The following ZNF383 variants were observed in gnomAD, a reference collection of about 807,000 sequenced individuals.
ZNF383 encodes the protein zinc finger protein 383.
In ZNF383, 32 loss-of-function variants were observed where a neutral mutation model predicts 44.2. The ratio of observed to expected loss-of-function variants is 0.72; its 90% CI spans 0.55 to 0.97. ZNF383 has a LOEUF of 0.97. Among genes scored for constraint, ZNF383 ranks in the 50% least tolerant of loss-of-function variants. The pLI is 0.00. For missense variants in ZNF383, 487 were observed against 562.5 expected, an observed-to-expected ratio of 0.87 and a Z score of 1.36; for synonymous variants, 155 against 186.2, an observed-to-expected ratio of 0.83 and a Z score of 1.36.
At chr19:37,220,300 C>T (rs1191764032) in intron 1 of ZNF383, among the ~76,000 whole-genome samples, 3 of 152,190 alleles carry the variant, frequency 2.0e-5, no homozygotes, top group East Asian at 3.9e-4. Context: ...GCGTTCTCAG[C>T]GCACCCAGGC....
At chr19:37,224,416 G>A (rs1355014628) in intron 1 of ZNF383, among the ~76,000 whole-genome samples, 1 of 152,128 alleles carries the variant, frequency 6.6e-6, no homozygotes, top group Non-Finnish European at 1.5e-5. Flanking sequence ...TAAAGGCTGA[G>A]GGCTCAATTA....
intron 2 of ZNF383, among the ~76,000 whole-genome samples, chr19:37,227,389 C>T (rs1015757272): frequency 2.6e-5 from 4 of 152,212 alleles, no homozygotes; most frequent in African/African-American, 9.7e-5. Flanking sequence ...GCTGGGATTA[C>T]AGGCATGAGC....
intron 1 of ZNF383, among the ~76,000 whole-genome samples, chr19:37,220,794 A>T (rs776286852): frequency 1.1e-4 from 17 of 152,054 alleles, no homozygotes; most frequent in Non-Finnish European, 1.6e-4. Flanking sequence ...TTGACTTTTT[A>T]AAAAAAGTTT....
intron 5 of ZNF383, among the ~76,000 whole-genome samples, chr19:37,238,324 C>A (rs1020255215): frequency 7.0e-6 from 1 of 143,120 alleles, no homozygotes; most frequent in Non-Finnish European, 1.5e-5. Flanking sequence ...AATTATATAT[C>A]ACTTACATTT....
At chr19:37,239,970 C>T (rs1974001399) in intron 5 of ZNF383, among the ~76,000 whole-genome samples, 5 of 151,998 alleles carry the variant, frequency 3.3e-5, no homozygotes, top group Admixed American at 3.3e-4. Flanking sequence ...CCATCCTGGC[C>T]AACATGGTGA....
In ZNF383 at chr19:37,230,141, G is replaced by A. The variant is rs147265669; in HGVS notation, c.-45-268G>A. On this transcript the variant is annotated intron_variant, in intron 2 of 5. Transcript: ENST00000684119. ...GGTTCAGAGCAACATCACTGAGGTG[G>A]GACAAGGTCTGGCCCGAATCCGTTG... 6.1e-4 allele frequency among the ~76,000 whole-genome samples: 93 copies of A among 152,134 alleles called. No homozygotes were observed. In the East Asian group the frequency reaches 0.014, roughly 22 times the overall value.
chr19:37,219,133 G>C (rs938448754), intron 1 of ZNF383: 1 of 153,088 alleles, frequency 6.5e-6, no homozygotes, highest in Non-Finnish European at 1.5e-5. Flanking sequence ...CATTGGGTAG[G>C]GGGTGCTTGT....
chr19:37,238,322 A>G (rs1361419147), intron 5 of ZNF383, among the ~76,000 whole-genome samples: 1 of 143,310 alleles, frequency 7.0e-6, no homozygotes, highest in South Asian at 2.4e-4. Flanking sequence ...AGAATTATAT[A>G]TCACTTACAT....
At chr19:37,234,369 G>A (rs1568526909) in intron 3 of ZNF383, among the ~76,000 whole-genome samples, 1 of 151,948 alleles carries the variant, frequency 6.6e-6, no homozygotes, top group African/African-American at 2.4e-5. Flanking sequence ...TTATTTGATG[G>A]CTTAAGACAA....
intron 3 of ZNF383, among the ~76,000 whole-genome samples, chr19:37,231,074 A>G (rs557228428): frequency 6.6e-6 from 1 of 152,216 alleles, no homozygotes; most frequent in Non-Finnish European, 1.5e-5. Context: ...AGTTTTCTGT[A>G]TCTCAGAATT....
chr19:37,238,917 T>C (rs1372649787), intron 5 of ZNF383, among the ~76,000 whole-genome samples: 1 of 152,058 alleles, frequency 6.6e-6, no homozygotes, highest in Admixed American at 6.6e-5. Flanking sequence ...AAGAAAAAAA[T>C]ACATCTTTTT....
intron 1 of ZNF383, among the ~76,000 whole-genome samples, chr19:37,221,393 G>A (rs545406833): frequency 1.4e-4 from 21 of 150,478 alleles, no homozygotes; most frequent in African/African-American, 5.1e-4. Context: ...ACAAGCCTGG[G>A]CAAGATGGTG....
Position 37,248,551 on chromosome 19 carries a change from T to G in ZNF383, c.*4887T>G, listed in dbSNP as rs1481926051. The G allele has an allele frequency of 2.6e-5, 4 of 152,322 alleles. No individual in the cohort carries two copies. The highest frequency in any genetic ancestry group is 5.9e-5 in the Non-Finnish European group (4 of 68,030). 9.4% of individuals were successfully genotyped at this position (152,322 alleles called of 1,614,324 possible). A position where few individuals can be genotyped will look rare whatever the true frequency, so the allele number is the denominator to read the frequency against. On this transcript the variant is annotated 3_prime_UTR_variant, in exon 6 of 6. Transcript: ENST00000684119. The stretch of plus-strand genomic sequence containing the variant: ...TGTCTGAACTCAGGAACCAAATAGA[T>G]GTGGATAGCATGGGATTTTTGGAAT...
chr19:37,233,191 T>C (rs1020508897), intron 3 of ZNF383, among the ~76,000 whole-genome samples: 2 of 151,988 alleles, frequency 1.3e-5, no homozygotes, highest in African/African-American at 4.8e-5. Context: ...AGTGCAGTGG[T>C]GATATCTCAG....
chr19:37,227,101 C>A (rs2145487838), intron 2 of ZNF383, among the ~76,000 whole-genome samples: 1 of 147,678 alleles, frequency 6.8e-6, no homozygotes, highest in Admixed American at 6.8e-5. Flanking sequence ...GCCACTGCAC[C>A]CAGCCAGGCT....
In ZNF383 at chr19:37,240,882, C is replaced by T. The variant is rs143579128; in HGVS notation, c.233-1587C>T. Among the ~76,000 whole-genome samples, 962 of 152,302 alleles carry T rather than the reference C, an allele frequency of 6.3e-3. 28 individuals carry two copies. The highest frequency in any genetic ancestry group is 0.052 in the East Asian group (268 of 5,182). ...AGTGCAGTGGTGCGATCTCAGCTCACGGCAGCCTCTGCCTCCTGGGTTCAA... is the reference window on the plus strand; with the variant it reads ...AGTGCAGTGGTGCGATCTCAGCTCATGGCAGCCTCTGCCTCCTGGGTTCAA... On this transcript the variant is annotated intron_variant, in intron 5 of 5. Transcript: ENST00000684119.
At chr19:37,240,107 C>T (rs1026712276) in intron 5 of ZNF383, among the ~76,000 whole-genome samples, 2 of 150,086 alleles carry the variant, frequency 1.3e-5, no homozygotes, top group African/African-American at 4.9e-5. Context: ...TGCAGTGAGC[C>T]GAGATCACAC....
intron 3 of ZNF383, among the ~76,000 whole-genome samples, chr19:37,230,709 C>T (rs1430192795): frequency 1.3e-5 from 2 of 152,002 alleles, no homozygotes; most frequent in Admixed American, 6.6e-5. Context: ...GAACTCTTTC[C>T]CAAGGACTAT....
intron 4 of ZNF383, 72 bp from the exon 5 acceptor site, chr19:37,235,907 C>T (rs1973766775): frequency 7.2e-7 from 1 of 1,380,882 alleles, no homozygotes. Context: ...GCATCTCTTC[C>T]TGTGATCATC....
Sources: gnomAD v4.1 joint callset for allele counts (sites outside exome capture counted in the v4.1 genomes callset) on GRCh38, gnomAD v4.1.1 for gene constraint, MANE v1.5 for transcripts, NCBI Gene and HGNC (gene_info 2026-07-23, HGNC 2026-07-21) for gene names.